The following ST8SIA6 variants were observed in gnomAD, a reference collection of about 807,000 sequenced individuals.
ST8SIA6 encodes the protein alpha-2,8-sialyltransferase 8F.
Under a neutral mutation model 33.6 loss-of-function variants are expected in ST8SIA6, and 39 were observed. The observed-to-expected ratio is 1.16, with a 90% CI of 0.90 to 1.52. The LOEUF (loss-of-function observed/expected upper bound fraction) is 1.52. Ranked by LOEUF, ST8SIA6 falls within the 40% of genes most tolerant of loss-of-function variation. ST8SIA6 has a pLI of 0.00. For missense variants in ST8SIA6, 441 were observed against 443.8 expected (o/e 0.99, Z 0.06); for synonymous variants, 172 against 167.2 (o/e 1.03, Z -0.22).
chr10:17,452,258 G>A (rs1030120994), intron 2 of ST8SIA6, among the ~76,000 whole-genome samples: 2 of 152,168 alleles, frequency 1.3e-5, no homozygotes, highest in Non-Finnish European at 2.9e-5. Context: ...GGCAGGCAGT[G>A]GTGTTCCTCA....
chr10:17,395,267 G>A (rs573560733), intron 2 of ST8SIA6, among the ~76,000 whole-genome samples: 4 of 152,142 alleles, frequency 2.6e-5, no homozygotes, highest in Non-Finnish European at 4.4e-5. Context: ...CCCAGTCTCG[G>A]GTATATCTTT....
At chr10:17,371,981 A>G (rs1257071052) in intron 3 of ST8SIA6, among the ~76,000 whole-genome samples, 1 of 152,066 alleles carries the variant, frequency 6.6e-6, no homozygotes, top group African/African-American at 2.4e-5. Flanking sequence ...GAAAAAGCTC[A>G]CCAGTGAGTC....
chr10:17,339,665 T>C (rs9804230), intron 4 of ST8SIA6, among the ~76,000 whole-genome samples: 3,131 of 152,250 alleles, frequency 0.021, 75 homozygotes, highest in East Asian at 0.083. Flanking sequence ...AATTCATGGA[T>C]TGACCAATAA....
At chr10:17,354,122 G>A (rs941612405) in intron 4 of ST8SIA6, among the ~76,000 whole-genome samples, 4 of 152,080 alleles carry the variant, frequency 2.6e-5, no homozygotes, top group Non-Finnish European at 4.4e-5. Flanking sequence ...AAAGATCTGC[G>A]GGGATAAAAC....
At position 17,323,143 on chromosome 10, in the gene ST8SIA6, G is replaced by T; in HGVS notation, c.650C>A (p.Pro217Gln). The T allele has an allele frequency of 6.2e-7, 1 of 1,613,236 alleles. No homozygotes were observed. Among genetic ancestry groups the T allele is most frequent in the South Asian group, 1.1e-5 (1 of 90,972 alleles). The change falls in exon 7 of 8, where the codon CCA becomes CAA. Residue 217 changes from proline (P) to glutamine (Q), a missense_variant. Physicochemically the swap from Pro to Gln is moderately conservative, Grantham distance 76. Coordinates refer to ENST00000377602, the MANE Select transcript of ST8SIA6 (RefSeq NM_001004470.3). ...ATCTTTACTAACATCTCCTGTGGTTGGGGGTAGGTTACACCTGAAATTTGA... is the reference window on the plus strand; with the variant it reads ...ATCTTTACTAACATCTCCTGTGGTTTGGGGTAGGTTACACCTGAAATTTGA... The part of the protein sequence containing the change: ...SDFVFRCNLP[P>Q]TTGDVSKDVG...
intron 3 of ST8SIA6, among the ~76,000 whole-genome samples, chr10:17,383,195 T>A (rs1245866357): frequency 6.6e-6 from 1 of 152,196 alleles, no homozygotes; most frequent in Non-Finnish European, 1.5e-5. Context: ...GTAATCCTAT[T>A]TTGTAATATC....
chr10:17,395,489 G>A (rs905160165), intron 2 of ST8SIA6, among the ~76,000 whole-genome samples: 1 of 152,098 alleles, frequency 6.6e-6, no homozygotes, highest in Admixed American at 6.5e-5. Flanking sequence ...AAACCCTGAA[G>A]CCAGGCTCTT....
chr10:17,337,985 C>T (rs1454909692), intron 4 of ST8SIA6, among the ~76,000 whole-genome samples: 1 of 152,070 alleles, frequency 6.6e-6, no homozygotes, highest in East Asian at 1.9e-4. Context: ...TTTGCCATTA[C>T]CCCCACCCGA....
At chr10:17,329,722 G>A (rs551345286) in intron 5 of ST8SIA6, among the ~76,000 whole-genome samples, 2 of 152,248 alleles carry the variant, frequency 1.3e-5, no homozygotes, top group African/African-American at 4.8e-5. Context: ...CAACTGGGAG[G>A]AAAACATCTA....
At chr10:17,408,199 A>G (rs1256506090) in intron 2 of ST8SIA6, 1 of 152,600 alleles carries the variant, frequency 6.6e-6, no homozygotes, top group East Asian at 1.9e-4. Context: ...CTGGATGACG[A>G]CCGAAGAAAC....
intron 5 of ST8SIA6, among the ~76,000 whole-genome samples, chr10:17,328,835 A>G (rs986913526): frequency 2.6e-5 from 4 of 152,150 alleles, no homozygotes; most frequent in African/African-American, 9.7e-5. Context: ...GCCTGTAACC[A>G]TTGAAGGGGC....
chr10:17,429,175 C>T (rs1852026414), intron 2 of ST8SIA6, among the ~76,000 whole-genome samples: 2 of 151,838 alleles, frequency 1.3e-5, no homozygotes, highest in Non-Finnish European at 2.9e-5. Context: ...ACATCAATTA[C>T]CCTTACAATT....
At chr10:17,449,717 A>G (rs1852843229) in intron 2 of ST8SIA6, among the ~76,000 whole-genome samples, 1 of 152,146 alleles carries the variant, frequency 6.6e-6, no homozygotes, top group African/African-American at 2.4e-5. Flanking sequence ...AGCTTGAGTT[A>G]GACTTGGAGG....
intron 2 of ST8SIA6, among the ~76,000 whole-genome samples, chr10:17,396,550 T>C (rs925285860): frequency 4.6e-5 from 7 of 152,252 alleles, no homozygotes; most frequent in Non-Finnish European, 7.3e-5. Flanking sequence ...CAAGCCACCC[T>C]GACTTTCCTT....
chr10:17,359,530 C>A lies in ST8SIA6; in HGVS notation c.361G>T (p.Glu121Ter), dbSNP rs964527348. 5.0e-6 allele frequency: 8 copies of A among 1,604,656 alleles called. No individual in the cohort carries two copies. The highest frequency in any genetic ancestry group is 4.5e-5 in the East Asian group (2 of 44,466). ...AAAAATTACCTAAAATTTGCATATT[C>A]TTCTGCTTGCCGTTTCCATGGACAA... is the stretch of plus-strand genomic sequence containing the variant. Reference protein sequence around the residue: ...QSCPWKRQAEEYANFRAKLAS... With the variant: ...QSCPWKRQAE Residue 121 changes from glutamate to a stop codon, truncating the protein, a stop_gained, in exon 4 of 8, where the codon GAA becomes TAA. Coordinates refer to ENST00000377602, the MANE Select transcript of ST8SIA6 (RefSeq NM_001004470.3). LOFTEE classifies it high-confidence loss of function.
intron 1 of ST8SIA6, among the ~76,000 whole-genome samples, 175 bp from the exon 2 acceptor site, chr10:17,453,832 G>A (rs1853014153): frequency 6.6e-6 from 1 of 152,198 alleles, no homozygotes; most frequent in African/African-American, 2.4e-5. Flanking sequence ...AGACAGCAAG[G>A]ACCAGAATGG....
chr10:17,453,391 G>A (rs1852989029), intron 2 of ST8SIA6, among the ~76,000 whole-genome samples, 168 bp downstream of exon 2: 1 of 151,390 alleles, frequency 6.6e-6, no homozygotes, highest in South Asian at 2.1e-4. Context: ...GAGTGTGAAG[G>A]GTGCCCCCCC....
intron 3 of ST8SIA6, among the ~76,000 whole-genome samples, chr10:17,386,579 C>G (rs906870636): frequency 3.9e-5 from 6 of 152,186 alleles, no homozygotes; most frequent in Non-Finnish European, 8.8e-5. Context: ...GCAACGACAT[C>G]AAACACAGAG....
rs542601446 is a variant in ST8SIA6, at chr10:17,388,716, C to T, written c.290+1815G>A. 8.5e-5 allele frequency among the ~76,000 whole-genome samples: 13 copies of T among 152,320 alleles called. No homozygotes were observed. In the South Asian group the frequency reaches 1.2e-3, roughly 15 times the overall value. On this transcript the variant is annotated intron_variant, in intron 3 of 7. Transcript: ENST00000377602. The stretch of plus-strand genomic sequence containing the variant: ...TAACTGACTACATCTTGCTTCTAAT[C>T]TTTAAGCTGTCCTTGTTTATTCCTG...
Sources: gnomAD v4.1 joint callset for allele counts (sites outside exome capture counted in the v4.1 genomes callset) on GRCh38, gnomAD v4.1.1 for gene constraint, MANE v1.5 for transcripts, NCBI Gene and HGNC (gene_info 2026-07-23, HGNC 2026-07-21) for gene names.